TRABD2B: variants seen among roughly 807,000 people sequenced by gnomAD.
TRABD2B encodes metalloprotease TIKI2.
In TRABD2B, 14 loss-of-function variants were observed where a neutral mutation model predicts 40.1. The ratio of observed to expected loss-of-function variants is 0.35; its 90% CI spans 0.23 to 0.55. The LOEUF (loss-of-function observed/expected upper bound fraction) is 0.55, where lower values mean the gene tolerates loss of function less well. TRABD2B is among the 20% of genes least tolerant of loss of function. The pLI, the probability that TRABD2B is intolerant of heterozygous loss-of-function variation, is 0.90. For synonymous variants in TRABD2B, 263 were observed against 277.0 expected (o/e 0.95, Z 0.50); for missense variants, 541 against 648.6 (o/e 0.83, Z 1.80).
chr1:47,814,166 C>T (rs779165761), intron 2 of TRABD2B, among the ~76,000 whole-genome samples: 6 of 152,210 alleles, frequency 3.9e-5, no homozygotes, highest in Non-Finnish European at 5.9e-5. Flanking sequence ...ATGGGGGCTG[C>T]GGTGAAGCTG....
chr1:47,812,558 A>AAC (rs1644979492), intron 2 of TRABD2B, among the ~76,000 whole-genome samples: 2 of 151,698 alleles, frequency 1.3e-5, no homozygotes, highest in Non-Finnish European at 2.9e-5. Flanking sequence ...CCATCTCTAA[A>AAC]AACAACAACA....
chr1:47,898,565 C>T (rs1644556169), intron 2 of TRABD2B, among the ~76,000 whole-genome samples: 1 of 152,196 alleles, frequency 6.6e-6, no homozygotes, highest in African/African-American at 2.4e-5. Flanking sequence ...CCAGAAAGAA[C>T]CTTGATGGTC....
In TRABD2B at chr1:47,994,188, T is replaced by C; in HGVS notation, c.512A>G (p.Asn171Ser). ...KRPVWVMLMVNSLTERDVRFR... is the reference protein window; with the variant it reads ...KRPVWVMLMVSSLTERDVRFR... The stretch of plus-strand genomic sequence containing the variant: ...GCGCACGTCCCTCTCTGTGAGCGAG[T>C]TTACCATGAGCATCACCCAGACGGG... Residue 171 changes from asparagine (N) to serine (S), a missense_variant, in exon 2 of 7, where the codon AAC becomes AGC. Transcript: ENST00000606738. The surrounding 1 kb of genome is among the most constrained non-coding windows in gnomAD (Gnocchi z 6.7). The C allele has an allele frequency of 6.5e-7, 1 of 1,541,846 alleles. No homozygotes were observed. The highest frequency in any genetic ancestry group is 8.7e-7 in the Non-Finnish European group (1 of 1,149,540).
chr1:47,897,095 G>C (rs1158734303), intron 2 of TRABD2B, among the ~76,000 whole-genome samples: 1 of 152,184 alleles, frequency 6.6e-6, no homozygotes, highest in Non-Finnish European at 1.5e-5. Flanking sequence ...TAGATGACAG[G>C]AAGTGTTATG....
chr1:47,960,651 A>C (rs376581268), intron 2 of TRABD2B, among the ~76,000 whole-genome samples: 15 of 152,110 alleles, frequency 9.9e-5, no homozygotes, highest in Non-Finnish European at 1.6e-4. Flanking sequence ...ATCCAACTTA[A>C]AAGGGATGTG....
At chr1:47,846,409 A>C (rs1274246087) in intron 2 of TRABD2B, among the ~76,000 whole-genome samples, 1 of 152,120 alleles carries the variant, frequency 6.6e-6, no homozygotes, top group Non-Finnish European at 1.5e-5. Flanking sequence ...TAGAAGTGAT[A>C]TGTGCTCATC....
At chr1:47,770,848 C>A (rs1259692670) in intron 6 of TRABD2B, among the ~76,000 whole-genome samples, 1 of 152,202 alleles carries the variant, frequency 6.6e-6, no homozygotes, top group Non-Finnish European at 1.5e-5. Flanking sequence ...TCATCTCAGA[C>A]CAGAGACTCT....
intron 4 of TRABD2B, among the ~76,000 whole-genome samples, chr1:47,784,650 A>G (rs759922435): frequency 5.9e-5 from 9 of 152,178 alleles, no homozygotes; most frequent in Non-Finnish European, 1.3e-4. Context: ...ATATCAAGCT[A>G]TGGCGGTGTT....
Position 47,994,420 on chromosome 1 carries a change from T to G in TRABD2B, c.280A>C (p.Ile94Leu). ...FELDLTDPYT[I>L]SALASCQLLP... ...AGCTGGCAGCTGGCCAGGGCCGAGA[T>G]GGTGTAGGGGTCTGTAAGGTCCAGC... The change falls in exon 2 of 7, where the codon ATC becomes CTC. Residue 94 changes from isoleucine to leucine, a missense_variant. Transcript: ENST00000606738. The surrounding 1 kb of genome is among the most constrained non-coding windows in gnomAD (Gnocchi z 6.7). 1 of 1,536,130 alleles carries G rather than the reference T, an allele frequency of 6.5e-7. No individual in the cohort carries two copies. The highest frequency in any genetic ancestry group is 8.7e-7 in the Non-Finnish European group (1 of 1,146,910).
At chr1:47,871,843 G>A (rs577011730) in intron 2 of TRABD2B, among the ~76,000 whole-genome samples, 21 of 152,288 alleles carry the variant, frequency 1.4e-4, no homozygotes, top group African/African-American at 4.3e-4. Context: ...CCAGCAACAT[G>A]GGGATCTTGG....
At chr1:47,875,244 C>T (rs1352338839) in intron 2 of TRABD2B, among the ~76,000 whole-genome samples, 1 of 151,698 alleles carries the variant, frequency 6.6e-6, no homozygotes, top group Non-Finnish European at 1.5e-5. Flanking sequence ...GAGACTTCTT[C>T]CTGAGTACAG....
At chr1:47,950,605 T>G (rs950497440) in intron 2 of TRABD2B, among the ~76,000 whole-genome samples, 3 of 152,160 alleles carry the variant, frequency 2.0e-5, no homozygotes, top group Non-Finnish European at 4.4e-5. Flanking sequence ...TTATTCCACA[T>G]GTGAAGAATG....
intron 2 of TRABD2B, among the ~76,000 whole-genome samples, chr1:47,928,087 G>A (rs1048258904): frequency 3.3e-5 from 5 of 152,188 alleles, no homozygotes; most frequent in Admixed American, 6.5e-5. Context: ...TAAAGTTTGA[G>A]AAGTATTGTT....
intron 2 of TRABD2B, among the ~76,000 whole-genome samples, chr1:47,911,584 T>A (rs1462020408): frequency 6.6e-6 from 1 of 152,208 alleles, no homozygotes; most frequent in East Asian, 1.9e-4. Flanking sequence ...ACCACCCTCA[T>A]GTGGACGGGT....
rs146624275 is a variant in TRABD2B, at chr1:47,866,384, C to A, written c.667-64765G>T. ...TTAATTCCTGGAAGATCAGAGAAGG[C>A]TCAAGAGATATAATTTGACTTTAGG... On this transcript the variant is annotated intron_variant, in intron 2 of 6. Transcript: ENST00000606738. Among the ~76,000 whole-genome samples the A allele has an allele frequency of 5.4e-3, 821 of 152,206 alleles. 13 individuals are homozygous for A. Among genetic ancestry groups the A allele is most frequent in the African/African-American group, 0.019 (785 of 41,542 alleles).
At chr1:47,964,331 C>T (rs774834018) in intron 2 of TRABD2B, among the ~76,000 whole-genome samples, 11 of 152,164 alleles carry the variant, frequency 7.2e-5, no homozygotes, top group Non-Finnish European at 1.3e-4. Flanking sequence ...CCTTGTCCAA[C>T]CCGCAGTTTT....
intron 2 of TRABD2B, among the ~76,000 whole-genome samples, chr1:47,953,539 T>G (rs1645376089): frequency 6.6e-6 from 1 of 152,160 alleles, no homozygotes; most frequent in Non-Finnish European, 1.5e-5. Flanking sequence ...AAACCTCTCC[T>G]ACTTACAGAG....
At chr1:47,768,519 C>G (rs888679652) in intron 6 of TRABD2B, among the ~76,000 whole-genome samples, 1 of 152,174 alleles carries the variant, frequency 6.6e-6, no homozygotes, top group Non-Finnish European at 1.5e-5. Flanking sequence ...CTTCGAAGGC[C>G]AGACTCAATG....
At chr1:47,790,628 C>T (rs1644658407) in intron 4 of TRABD2B, among the ~76,000 whole-genome samples, 1 of 152,230 alleles carries the variant, frequency 6.6e-6, no homozygotes, top group Non-Finnish European at 1.5e-5. Flanking sequence ...GCACCACGTG[C>T]AAGGGAAATG....
Sources: gnomAD v4.1 joint callset for allele counts (sites outside exome capture counted in the v4.1 genomes callset) on GRCh38, gnomAD v4.1.1 for gene constraint, Gnocchi (gnomAD v3.1) non-coding constraint, MANE v1.5 for transcripts, NCBI Gene and HGNC (gene_info 2026-07-23, HGNC 2026-07-21) for gene names.